PLK4: variants seen among roughly 807,000 people sequenced by gnomAD.
PLK4 encodes the protein serine/threonine-protein kinase PLK4.
PLK4 carries 51 observed loss-of-function variants against 103.0 expected under a neutral mutation model. The observed-to-expected ratio is 0.50, with a 90% confidence interval of 0.40 to 0.63. PLK4 has a LOEUF of 0.63. PLK4 is among the 20% of genes least tolerant of loss of function. The pLI, the probability that PLK4 is intolerant of heterozygous loss-of-function variation, is 0.00. For synonymous variants in PLK4, 389 were observed against 376.8 expected, an observed-to-expected ratio of 1.03 and a Z score of -0.38; for missense variants, 1,054 against 1,151.0, an observed-to-expected ratio of 0.92 and a Z score of 1.22.
chr4:127,881,360 A>G (rs1329248002), intron 1 of PLK4, 196 bp downstream of exon 1: 2 of 1,441,440 alleles, frequency 1.4e-6, no homozygotes, highest in Admixed American at 5.5e-5. Context: ...AGAGTAGGGA[A>G]GGCGGGACAG....
rs1560689442 is a variant in PLK4 at position 127,881,132 on chromosome 4, A to G, written c.-3A>G. The G allele has an allele frequency of 6.2e-7, 1 of 1,614,002 alleles. No individual in the cohort carries two copies. The highest frequency in any genetic ancestry group is 1.1e-5 in the South Asian group (1 of 91,084). On this transcript the variant is annotated 5_prime_UTR_variant, in exon 1 of 16. Transcript: ENST00000270861. ...CGGAGAACCCAGGCCAGAGCCTGGA[A>G]ATATGGCGACCTGCATCGGGGAGAA...
At chr4:127,897,857 T>TTTTTC (rs1735633955) in intron 15 of PLK4, among the ~76,000 whole-genome samples, 4 of 135,316 alleles carry the variant, frequency 3.0e-5, no homozygotes, top group African/African-American at 1.1e-4. Flanking sequence ...TTTTTTTTTT[T>TTTTTC]TGAGACAGAG....
intron 1 of PLK4, 68 bp downstream of exon 1, chr4:127,881,232 G>A (rs909897188): frequency 1.9e-6 from 3 of 1,610,002 alleles, no homozygotes; most frequent in African/African-American, 2.7e-5. Flanking sequence ...AGACCGCTGT[G>A]GGAAGGGGAG....
chr4:127,891,753 G>A, intron 9 of PLK4, 72 bp downstream of exon 9: 1 of 462,488 alleles, frequency 2.2e-6, no homozygotes, highest in Non-Finnish European at 3.8e-6. Context: ...TCTATATATA[G>A]ATATAATAAA....
intron 12 of PLK4, 53 bp downstream of exon 12, chr4:127,893,657 G>C: frequency 6.3e-7 from 1 of 1,583,458 alleles, no homozygotes; most frequent in Non-Finnish European, 8.6e-7. Flanking sequence ...AAAGTTTGAT[G>C]TTTATATTAT....
chr4:127,882,780 C>T lies in PLK4; in HGVS notation c.127-482C>T, dbSNP rs571099430. 5.3e-5 allele frequency among the ~76,000 whole-genome samples: 8 copies of T among 151,886 alleles called. No individual in the cohort carries two copies. In the East Asian group the frequency reaches 9.7e-4, roughly 18 times the overall value. ...ATCTCAAAAAAAAAAATTAGCCAAG[C>T]GTGGTGGCATGTGCCTGTGGTCCCA... On this transcript the variant is annotated intron_variant, in intron 2 of 15. Transcript: ENST00000270861.
In PLK4 at chr4:127,886,713, A is replaced by G. The variant is rs142775450; in HGVS notation, c.1343A>G (p.Asp448Gly). 3.1e-6 allele frequency: 5 copies of G among 1,603,082 alleles called. No individual in the cohort carries two copies. Among genetic ancestry groups the G allele is most frequent in the Non-Finnish European group, 4.3e-6 (5 of 1,174,492 alleles). Residue 448 changes from aspartate to glycine, a missense_variant, in exon 5 of 16, where the codon GAT becomes GGT. By Grantham distance (94) the Asp-to-Gly change is moderately conservative. This residue lies in a region of PLK4 where 680 missense variants were observed against 660.3 expected (regional missense o/e 1.03). Coordinates refer to ENST00000270861, the MANE Select transcript of PLK4 (RefSeq NM_014264.5). ...SSSSGSFERP[D>G]NNQALSNHLC... ...AGTTCTGGATCTTTTGAAAGACCTG[A>G]TAACAATCAAGCACTGTAAGAATAA...
At chr4:127,887,626 C>A in intron 6 of PLK4, 130 bp downstream of exon 6, 1 of 630,812 alleles carries the variant, frequency 1.6e-6, no homozygotes, top group Non-Finnish European at 2.8e-6. Context: ...GCCTGTAATC[C>A]CAACACTTGT....
In PLK4 at chr4:127,895,064, T is replaced by G. The variant is rs1735512089; in HGVS notation, c.2674T>G (p.Phe892Val). ...ATCAGCACAACTTTTGAAATCTGTT[T>G]TTGTGAAAAATGTTGGTTGGGCTAC... is the stretch of plus-strand genomic sequence containing the variant. Reference protein sequence around the residue: ...PKSAQLLKSVFVKNVGWATQL... With the variant: ...PKSAQLLKSVVVKNVGWATQL... Residue 892 changes from phenylalanine (F) to valine (V), a missense_variant, in exon 14 of 16, where the codon TTT (phenylalanine) becomes GTT (valine). Coordinates refer to ENST00000270861, the MANE Select transcript of PLK4 (RefSeq NM_014264.5). 2 of 1,612,234 alleles carry G rather than the reference T, an allele frequency of 1.2e-6. No homozygotes were observed. The highest frequency in any genetic ancestry group is 1.7e-5 in the Admixed American group (1 of 59,706).
intron 10 of PLK4, 84 bp downstream of exon 10, chr4:127,892,598 C>T (rs1735403914): frequency 9.4e-7 from 1 of 1,061,482 alleles, no homozygotes; most frequent in African/African-American, 1.6e-5. Flanking sequence ...AAATTCAACA[C>T]AGTCAGTTTT....
intron 15 of PLK4, among the ~76,000 whole-genome samples, chr4:127,897,480 C>T (rs1341300572): frequency 6.6e-6 from 1 of 152,178 alleles, no homozygotes; most frequent in Non-Finnish European, 1.5e-5. Context: ...AAGTAGGGTA[C>T]TGACGATGCC....
At chr4:127,881,979 G>T (rs1006478790) in intron 2 of PLK4, 53 bp downstream of exon 2, 1 of 970,976 alleles carries the variant, frequency 1.0e-6, no homozygotes, top group Non-Finnish European at 1.7e-6. Flanking sequence ...AACTAGAGAG[G>T]TATCAGAGAT....
chr4:127,885,403 C>T (rs181239300), intron 4 of PLK4, among the ~76,000 whole-genome samples: 4,480 of 145,584 alleles, frequency 0.031, 289 homozygotes, highest in East Asian at 0.27. Context: ...GGCATGAACC[C>T]GGGAGGCGGA....
At chr4:127,889,124 TTCTG>T (rs1343098584) in intron 6 of PLK4, among the ~76,000 whole-genome samples, 1 of 152,106 alleles carries the variant, frequency 6.6e-6, no homozygotes, top group East Asian at 1.9e-4. Flanking sequence ...ACAAAATACT[TTCTG>T]TCATAAGGAG....
intron 4 of PLK4, among the ~76,000 whole-genome samples, chr4:127,884,928 G>A (rs1578752928): frequency 6.6e-6 from 1 of 151,408 alleles, no homozygotes; most frequent in South Asian, 2.1e-4. Flanking sequence ...GACAGATCAA[G>A]ACTCCATCTA....
chr4:127,890,013 C>A lies in PLK4; in HGVS notation c.1607C>A (p.Ser536Tyr), dbSNP rs756256782. 2.5e-6 allele frequency: 4 copies of A among 1,613,856 alleles called. No individual in the cohort carries two copies. In the African/African-American group the frequency reaches 4.0e-5, roughly 16 times the overall value. ...TCTGATGCTTCTGATAATGCACATT[C>A]TGTAAAACAGCAAAATACCATGAAA... Reference protein sequence around the residue: ...KNSDASDNAHSVKQQNTMKYM... With the variant: ...KNSDASDNAHYVKQQNTMKYM... The change falls in exon 7 of 16, where the codon TCT (serine) becomes TAT (tyrosine). Residue 536 changes from serine to tyrosine, a missense_variant. Around this residue, in one of 4 missense-constraint regions of PLK4, gnomAD observed 680 missense variants for 660.3 expected, o/e 1.03. Transcript: ENST00000270861.
chr4:127,891,351 A>G (rs1735351732), intron 8 of PLK4, among the ~76,000 whole-genome samples, 155 bp downstream of exon 8: 1 of 151,936 alleles, frequency 6.6e-6, no homozygotes, highest in Admixed American at 6.6e-5. Flanking sequence ...AGCATATTAA[A>G]CATATTTAAA....
Position 127,898,587 on chromosome 4 carries a change from T to A in PLK4, c.*46T>A, listed in dbSNP as rs1735665093. 1.1e-6 allele frequency: 1 copy of A among 920,378 alleles called. No homozygotes were observed. 57.0% of individuals were successfully genotyped at this position (920,378 alleles called of 1,614,324 possible). A position where few individuals can be genotyped will look rare whatever the true frequency, so the allele number is the denominator to read the frequency against. On this transcript the variant is annotated 3_prime_UTR_variant, in exon 16 of 16. Transcript: ENST00000270861. ...ATAAGTTTAATAAATAACTTTTTTG[T>A]TGACTTTCAAGTAAAGTGATTTTTT...
Position 127,886,406 on chromosome 4 carries a change from C to T in PLK4, c.1036C>T (p.Gln346Ter), listed in dbSNP as rs765430499. The T allele has an allele frequency of 1.9e-6, 3 of 1,613,812 alleles. No homozygotes were observed. The highest frequency in any genetic ancestry group is 2.5e-6 in the Non-Finnish European group (3 of 1,179,744). Reference protein sequence around the residue: ...SSGDGNSFYTQWGNQETSNSG... With the variant: ...SSGDGNSFYT ...AGGAGATGGAAACAGTTTTTATACT[C>T]AGTGGGGAAATCAAGAAACCAGTAA... is the stretch of plus-strand genomic sequence containing the variant. Residue 346 changes from glutamine to a stop codon, truncating the protein, a stop_gained, in exon 5 of 16, where the codon CAG becomes TAG. Transcript: ENST00000270861. LOFTEE classifies it high-confidence loss of function.
Sources: gnomAD v4.1 joint callset for allele counts (sites outside exome capture counted in the v4.1 genomes callset) on GRCh38, gnomAD v4.1.1 for gene constraint, gnomAD v4.1.1 regional missense constraint, MANE v1.5 for transcripts, NCBI Gene and HGNC (gene_info 2026-07-23, HGNC 2026-07-21) for gene names.